The following C2CD5 variants were observed in gnomAD, a reference collection of about 807,000 sequenced individuals.
The protein encoded by C2CD5 is C2 calcium dependent domain containing 5, also known as C2 domain-containing protein 5.
Under a neutral mutation model 130.3 loss-of-function variants are expected in C2CD5, and 109 were observed. The ratio of observed to expected loss-of-function variants is 0.84; its 90% CI spans 0.72 to 0.98. The LOEUF (loss-of-function observed/expected upper bound fraction) is 0.98. Ranked by LOEUF, C2CD5 falls within the 50% of genes least tolerant of loss-of-function variation. C2CD5 has a pLI of 0.00. For synonymous variants in C2CD5, 454 were observed against 429.2 expected (o/e 1.06, Z -0.71); for missense variants, 996 against 1,261.8 (o/e 0.79, Z 3.19).
chr12:22,467,492 GC>G (rs1942279649), intron 22 of C2CD5, among the ~76,000 whole-genome samples: 1 of 152,118 alleles, frequency 6.6e-6, no homozygotes, highest in Non-Finnish European at 1.5e-5. Context: ...GTCTAATTTA[GC>G]TTTTGATTTA....
chr12:22,477,245 G>A (rs1943977015), intron 15 of C2CD5: 1 of 151,998 alleles, frequency 6.6e-6, no homozygotes, highest in Admixed American at 6.6e-5. Flanking sequence ...AAAATCCAGT[G>A]TATATTTTAT....
chr12:22,497,894 G>A (rs974212367), intron 10 of C2CD5, among the ~76,000 whole-genome samples: 39 of 127,200 alleles, frequency 3.1e-4, no homozygotes, highest in Admixed American at 2.2e-3. Flanking sequence ...CTACATACAC[G>A]CATGCACACA....
At position 22,458,594 on chromosome 12, in the gene C2CD5, A is replaced by G; in HGVS notation, c.2585-9T>C. ...GTAATCAACTGACGTTGCTGAAAAC[A>G]CAGACAGAAAACAAAAGAAAAAAAC... On this transcript the variant is annotated splice_polypyrimidine_tract_variant and intron_variant, in intron 23 of 26. Coordinates refer to ENST00000446597, the MANE Select transcript of C2CD5 (RefSeq NM_001286176.2). 8.1e-7 allele frequency: 1 copy of G among 1,230,050 alleles called. No homozygotes were observed. The highest frequency in any genetic ancestry group is 1.5e-5 in the African/African-American group (1 of 64,586). The allele number at this position is 1,230,050 out of a possible 1,614,324, so 76.2% of individuals were successfully genotyped here.
chr12:22,542,935 T>G (rs1952543295), intron 2 of C2CD5, among the ~76,000 whole-genome samples: 1 of 152,252 alleles, frequency 6.6e-6, no homozygotes, highest in Non-Finnish European at 1.5e-5. Context: ...TGGGTCAATG[T>G]CTGAACTACC....
intron 9 of C2CD5, among the ~76,000 whole-genome samples, chr12:22,509,168 G>A (rs919355239): frequency 6.6e-6 from 1 of 152,110 alleles, no homozygotes; most frequent in East Asian, 1.9e-4. Flanking sequence ...GTGAGCCACC[G>A]CGCCCAGCCT....
At chr12:22,479,598 T>C (rs1050878662) in intron 14 of C2CD5, among the ~76,000 whole-genome samples, 5 of 152,156 alleles carry the variant, frequency 3.3e-5, no homozygotes, top group African/African-American at 1.2e-4. Context: ...GAACTGAGTG[T>C]TTCTCACTCT....
chr12:22,501,608 CATTTCA>C (rs1314487231), intron 10 of C2CD5, among the ~76,000 whole-genome samples: 1 of 152,126 alleles, frequency 6.6e-6, no homozygotes, highest in Non-Finnish European at 1.5e-5. Context: ...AACAAATGAT[CATTTCA>C]ATTCTAATCA....
chr12:22,527,330 A>ATTTT (rs752914937), intron 4 of C2CD5, among the ~76,000 whole-genome samples: 4 of 138,150 alleles, frequency 2.9e-5, no homozygotes, highest in African/African-American at 8.4e-5. Flanking sequence ...ATATATATAT[A>ATTTT]TTTTTTTTTT....
chr12:22,508,091 A>G (rs935729808), intron 9 of C2CD5, among the ~76,000 whole-genome samples: 1 of 152,170 alleles, frequency 6.6e-6, no homozygotes, highest in Admixed American at 6.5e-5. Flanking sequence ...GGAGAATACA[A>G]ACTCACAAAA....
chr12:22,519,492 C>A (rs966495431), intron 7 of C2CD5, among the ~76,000 whole-genome samples: 2 of 151,604 alleles, frequency 1.3e-5, no homozygotes, highest in Non-Finnish European at 2.9e-5. Flanking sequence ...AAATAGCAAG[C>A]AGAATAGTCA....
chr12:22,496,053 T>A (rs1433182046), intron 10 of C2CD5, among the ~76,000 whole-genome samples: 2 of 152,042 alleles, frequency 1.3e-5, no homozygotes, highest in Non-Finnish European at 2.9e-5. Context: ...AGCAAGAGAC[T>A]AAAGGAAAAA....
intron 16 of C2CD5, among the ~76,000 whole-genome samples, chr12:22,474,396 C>G (rs774503537): frequency 2.0e-5 from 3 of 152,046 alleles, no homozygotes; most frequent in Non-Finnish European, 4.4e-5. Flanking sequence ...AATGTTATAA[C>G]TACAGTAATA....
chr12:22,479,319 C>G (rs1312464803), intron 14 of C2CD5, among the ~76,000 whole-genome samples: 2 of 152,006 alleles, frequency 1.3e-5, no homozygotes, highest in East Asian at 3.9e-4. Context: ...ATTGATCCGC[C>G]TGCCTTGGCC....
intron 2 of C2CD5, 118 bp downstream of exon 2, chr12:22,543,943 A>G: frequency 1.4e-6 from 1 of 735,554 alleles, no homozygotes; most frequent in Non-Finnish European, 2.3e-6. Flanking sequence ...CTGGACAACC[A>G]CGGCCGAAGG....
At chr12:22,484,659 T>A in intron 13 of C2CD5, 38 bp downstream of exon 13, 1 of 1,262,362 alleles carries the variant, frequency 7.9e-7, no homozygotes. Flanking sequence ...TATCTCATAC[T>A]TTTTCAGGGA....
At chr12:22,524,180 T>C (rs1950529036) in intron 6 of C2CD5, among the ~76,000 whole-genome samples, 2 of 152,128 alleles carry the variant, frequency 1.3e-5, no homozygotes, top group African/African-American at 2.4e-5. Context: ...GAAGGAAAAC[T>C]AGAATCCAGG....
At chr12:22,452,298 G>T (rs1938811535) in intron 26 of C2CD5, among the ~76,000 whole-genome samples, 2 of 152,142 alleles carry the variant, frequency 1.3e-5, no homozygotes, top group Admixed American at 1.3e-4. Context: ...CTCAGGATGT[G>T]CCTGGTTTCC....
chr12:22,542,498 T>A (rs950545486), intron 2 of C2CD5, among the ~76,000 whole-genome samples: 1 of 152,262 alleles, frequency 6.6e-6, no homozygotes, highest in Non-Finnish European at 1.5e-5. Flanking sequence ...CGTACTAAAC[T>A]AAGGCAGTTT....
At chr12:22,483,544 C>T (rs138094740) in intron 13 of C2CD5, among the ~76,000 whole-genome samples, 1 of 152,046 alleles carries the variant, frequency 6.6e-6, no homozygotes, top group East Asian at 1.9e-4. Flanking sequence ...GTAAAATAAA[C>T]ACATTTTTCA....
Sources: gnomAD v4.1 joint callset for allele counts (sites outside exome capture counted in the v4.1 genomes callset) on GRCh38, gnomAD v4.1.1 for gene constraint, MANE v1.5 for transcripts, NCBI Gene and HGNC (gene_info 2026-07-23, HGNC 2026-07-21) for gene names.